The following ZNF326 variants were observed in gnomAD, a reference collection of about 807,000 sequenced individuals.
The protein encoded by ZNF326 is DBIRD complex subunit ZNF326.
Under a neutral mutation model 63.1 loss-of-function variants are expected in ZNF326, and 30 were observed. The observed-to-expected ratio is 0.48, with a 90% CI of 0.36 to 0.64. The LOEUF is 0.64. Among genes scored for constraint, ZNF326 ranks in the 30% least tolerant of loss-of-function variants. The probability of loss-of-function intolerance (pLI) is 0.00; values close to 1 mark genes in which losing one functional copy is unlikely to be tolerated. For missense variants in ZNF326, 609 were observed against 720.3 expected (o/e 0.85, Z 1.77); for synonymous variants, 194 against 228.2 (o/e 0.85, Z 1.35).
intron 10 of ZNF326, 64 bp from the exon 11 acceptor site, chr1:90,022,186 A>C: frequency 1.1e-5 from 13 of 1,207,796 alleles, no homozygotes; most frequent in Non-Finnish European, 1.6e-5. Context: ...ATGCTGTTTT[A>C]ATTATGGAAA....
intron 1 of ZNF326, among the ~76,000 whole-genome samples, chr1:89,997,327 A>G (rs1186973761): frequency 6.6e-6 from 1 of 152,230 alleles, no homozygotes; most frequent in Non-Finnish European, 1.5e-5. Flanking sequence ...TTGAATATAG[A>G]ACACAGTCAT....
At position 90,034,595 on chromosome 1, in the gene ZNF326, A is replaced by G. The variant is rs918434452; in HGVS notation, c.*6894A>G. ...CATCCTGTCATCACAATGCAATGAA[A>G]CAAAAAATTAGCAAGTGGATAGCAA... On this transcript the variant is annotated 3_prime_UTR_variant, in exon 12 of 12. Transcript: ENST00000340281. 2.0e-5 allele frequency: 3 copies of G among 152,198 alleles called. No individual in the cohort carries two copies. Among genetic ancestry groups the G allele is most frequent in the Non-Finnish European group, 4.4e-5 (3 of 68,010 alleles). 9.4% of individuals were successfully genotyped at this position (152,198 alleles called of 1,614,324 possible).
At chr1:90,021,025 C>A in intron 10 of ZNF326, 103 bp downstream of exon 10, 1 of 1,217,044 alleles carries the variant, frequency 8.2e-7, no homozygotes, top group Non-Finnish European at 1.2e-6. Flanking sequence ...ATCAATTTAT[C>A]AATCTCATAT....
Position 90,014,740 on chromosome 1 carries a change from G to C in ZNF326, c.926+1503G>C, listed in dbSNP as rs137976391. On this transcript the variant is annotated intron_variant, in intron 7 of 11. Coordinates refer to ENST00000340281, the MANE Select transcript of ZNF326 (RefSeq NM_182976.4). ...AGTAGTTCTAGTTTCAAGAACTACTGCTATTTTTAGTCCTTGTGAGTTCTC... is the reference window on the plus strand; with the variant it reads ...AGTAGTTCTAGTTTCAAGAACTACTCCTATTTTTAGTCCTTGTGAGTTCTC... Among the ~76,000 whole-genome samples the C allele has an allele frequency of 5.0e-3, 754 of 152,220 alleles. 5 individuals carry two copies. The highest frequency in any genetic ancestry group is 0.017 in the African/African-American group (709 of 41,536).
rs748098204 is a variant in ZNF326, at chr1:90,018,750, A to G, written c.1140A>G (p.Glu380=). Reference sequence around the variant, plus strand: ...AGCAACAGACAAATAATCAAACAGAAGTAGTTAAAATAATTGAAAAAGATG... The same window carrying G: ...AGCAACAGACAAATAATCAAACAGAGGTAGTTAAAATAATTGAAAAAGATG... ...IRKQQTNNQT[E]VVKIIEKDVM... The change falls in exon 9 of 12, where the codon GAA becomes GAG. Residue 380 remains glutamate (E), a synonymous_variant. Transcript: ENST00000340281. The G allele has an allele frequency of 6.4e-7, 1 of 1,573,930 alleles. No individual in the cohort carries two copies. The highest frequency in any genetic ancestry group is 8.7e-7 in the Non-Finnish European group (1 of 1,155,958).
intron 2 of ZNF326, 58 bp downstream of exon 2, chr1:89,998,212 A>G: frequency 1.3e-6 from 2 of 1,547,324 alleles, no homozygotes; most frequent in East Asian, 2.3e-5. Flanking sequence ...TATCAATGTA[A>G]AAGGCCAGTT....
intron 7 of ZNF326, 46 bp downstream of exon 7, chr1:90,013,283 C>T (rs767642423): frequency 8.6e-6 from 12 of 1,393,106 alleles, no homozygotes; most frequent in Non-Finnish European, 1.1e-5. Context: ...AAAATGATTT[C>T]CTAGAAAAAG....
intron 7 of ZNF326, among the ~76,000 whole-genome samples, chr1:90,014,153 A>G (rs980807755): frequency 1.3e-5 from 2 of 152,084 alleles, no homozygotes; most frequent in Non-Finnish European, 2.9e-5. Context: ...GAATGAATGT[A>G]GTAAAAAAAA....
chr1:89,996,929 C>T lies in ZNF326; in HGVS notation c.17-1181C>T, dbSNP rs181814874. ...GGCAGTAGAAACAGTTCTTTCCACT[C>T]CCCACCCAAGGCAATAAGGGAATCC... On this transcript the variant is annotated intron_variant, in intron 1 of 11. Coordinates refer to ENST00000340281, the MANE Select transcript of ZNF326 (RefSeq NM_182976.4). Among the ~76,000 whole-genome samples, 671 of 152,310 alleles carry T rather than the reference C, an allele frequency of 4.4e-3. 6 individuals carry two copies. The highest frequency in any genetic ancestry group is 0.015 in the African/African-American group (637 of 41,574).
At chr1:90,011,164 T>A (rs1488876592) in intron 6 of ZNF326, among the ~76,000 whole-genome samples, 1 of 152,184 alleles carries the variant, frequency 6.6e-6, no homozygotes, top group Non-Finnish European at 1.5e-5. Flanking sequence ...ACCCCCTTTT[T>A]ATATAACAAA....
In ZNF326 at chr1:90,018,792, T is replaced by A; in HGVS notation, c.1174+8T>A. On this transcript the variant is annotated splice_region_variant and intron_variant, in intron 9 of 11. Transcript: ENST00000340281. ...AAAAAGATGTTATGGAAGGTAAGTA[T>A]TTAAAACAAATTATTTTAAAATTCT... 6.8e-7 allele frequency: 1 copy of A among 1,460,374 alleles called. No individual in the cohort carries two copies. The highest frequency in any genetic ancestry group is 9.3e-7 in the Non-Finnish European group (1 of 1,069,590). The allele number at this position is 1,460,374 out of a possible 1,614,324, so 90.5% of individuals were successfully genotyped here.
At chr1:90,000,865 G>A (rs1375203079) in intron 2 of ZNF326, among the ~76,000 whole-genome samples, 1 of 152,046 alleles carries the variant, frequency 6.6e-6, no homozygotes, top group African/African-American at 2.4e-5. Flanking sequence ...AACAGTGCAG[G>A]TTCAGGGGAA....
In ZNF326 at chr1:90,004,106, T is replaced by C. The variant is rs1648838479; in HGVS notation, c.62-897T>C. Among the ~76,000 whole-genome samples the C allele has an allele frequency of 2.0e-5, 3 of 152,290 alleles. No homozygotes were observed. The South Asian group carries it at 6.2e-4, about 32-fold the overall frequency. On this transcript the variant is annotated intron_variant, in intron 2 of 11. Transcript: ENST00000340281. ...CCTAAATTGATTTTGTTACCTCTTT[T>C]GTTTTATTTTTCATATCAGAGGTTG...
At chr1:90,013,411 CA>C (rs1649348294) in intron 7 of ZNF326, among the ~76,000 whole-genome samples, 174 bp downstream of exon 7, 1 of 152,034 alleles carries the variant, frequency 6.6e-6, no homozygotes, top group African/African-American at 2.4e-5. Context: ...ACTTAGAAAA[CA>C]TAAGAAAAAA....
At position 90,033,467 on chromosome 1, in the gene ZNF326, T is replaced by G. The variant is rs1036514155; in HGVS notation, c.*5766T>G. On this transcript the variant is annotated 3_prime_UTR_variant, in exon 12 of 12. Coordinates refer to ENST00000340281, the MANE Select transcript of ZNF326 (RefSeq NM_182976.4). ...ATTACTACTACTTATAATAGTTTCATATGTAATCCTCATCATATTATATGT... is the reference window on the plus strand; with the variant it reads ...ATTACTACTACTTATAATAGTTTCAGATGTAATCCTCATCATATTATATGT... The G allele has an allele frequency of 2.0e-5, 3 of 152,220 alleles. No homozygotes were observed. The highest frequency in any genetic ancestry group is 7.2e-5 in the African/African-American group (3 of 41,464). 9.4% of individuals were successfully genotyped at this position (152,220 alleles called of 1,614,324 possible). A position where few individuals can be genotyped will look rare whatever the true frequency, so the allele number is the denominator to read the frequency against.
In ZNF326 at chr1:90,032,386, G is replaced by A. The variant is rs1186598856; in HGVS notation, c.*4685G>A. On this transcript the variant is annotated 3_prime_UTR_variant, in exon 12 of 12. Coordinates refer to ENST00000340281, the MANE Select transcript of ZNF326 (RefSeq NM_182976.4). ...AGCATGGAGTGTGGAAGGGTACTAT[G>A]GGTAGCTTATTTATTAGATCAGTAT... The A allele has an allele frequency of 6.6e-6, 1 of 152,218 alleles. No individual in the cohort carries two copies. Among genetic ancestry groups the A allele is most frequent in the African/African-American group, 2.4e-5 (1 of 41,428 alleles). The allele number at this position is 152,218 out of a possible 1,614,324, so 9.4% of individuals were successfully genotyped here. A position where few individuals can be genotyped will look rare whatever the true frequency, so the allele number is the denominator to read the frequency against.
Position 89,995,269 on chromosome 1 carries a change from G to T in ZNF326, c.12G>T (p.Glu4Asp), listed in dbSNP as rs1367912502. The change falls in exon 1 of 12, where the codon GAG becomes GAT. Residue 4 changes from glutamate to aspartate, a missense_variant. By Grantham distance (45) the Glu-to-Asp change is conservative (BLOSUM62 2). Coordinates refer to ENST00000340281, the MANE Select transcript of ZNF326 (RefSeq NM_182976.4). ...CCTCAGCCTCTGCCATGGACTTCGAGGACGGTAAGCGCTGCCTCTGGCTGG... is the reference window on the plus strand; with the variant it reads ...CCTCAGCCTCTGCCATGGACTTCGATGACGGTAAGCGCTGCCTCTGGCTGG... Reference protein sequence around the residue: MDFEDDYTHSACRN... With the variant: MDFDDDYTHSACRN... 4 of 1,555,740 alleles carry T rather than the reference G, an allele frequency of 2.6e-6. No individual in the cohort carries two copies. The East Asian group carries it at 9.9e-5, about 38-fold the overall frequency.
chr1:90,025,206 C>T (rs763343335), intron 11 of ZNF326, among the ~76,000 whole-genome samples: 1 of 152,082 alleles, frequency 6.6e-6, no homozygotes, highest in Non-Finnish European at 1.5e-5. Context: ...TTCAATCACC[C>T]GTGAGGCTAA....
Position 90,032,084 on chromosome 1 carries a change from A to G in ZNF326, c.*4383A>G, listed in dbSNP as rs1650302630. 6.6e-6 allele frequency: 1 copy of G among 152,224 alleles called. No homozygotes were observed. Among genetic ancestry groups the G allele is most frequent in the Non-Finnish European group, 1.5e-5 (1 of 68,056 alleles). The allele number at this position is 152,224 out of a possible 1,614,324, so 9.4% of individuals were successfully genotyped here. A position where few individuals can be genotyped will look rare whatever the true frequency, so the allele number is the denominator to read the frequency against. On this transcript the variant is annotated 3_prime_UTR_variant, in exon 12 of 12. Coordinates refer to ENST00000340281, the MANE Select transcript of ZNF326 (RefSeq NM_182976.4). ...TGAAGGGCAGATTCTTGGCAATGGT[A>G]AATTCAGTAGGTCCTGCCACCATTT...
Sources: allele counts gnomAD v4.1 joint callset (sites outside exome capture counted in the v4.1 genomes callset), GRCh38; gene constraint gnomAD v4.1.1; transcripts MANE v1.5; gene names NCBI Gene and HGNC (gene_info 2026-07-23, HGNC 2026-07-21).